SEMA5B: variants seen among roughly 807,000 people sequenced by gnomAD.
The protein encoded by SEMA5B is semaphorin-5B.
SEMA5B carries 66 observed loss-of-function variants against 135.0 expected under a neutral mutation model. The observed-to-expected ratio is 0.49, with a 90% CI of 0.40 to 0.60. The LOEUF is 0.60. Ranked by LOEUF, SEMA5B falls within the 20% of genes least tolerant of loss-of-function variation. The pLI, the probability that SEMA5B is intolerant of heterozygous loss-of-function variation, is 0.00. For missense variants in SEMA5B, 1,501 were observed against 1,566.3 expected (o/e 0.96, Z 0.70); for synonymous variants, 690 against 639.5 (o/e 1.08, Z -1.19).
intron 5 of SEMA5B, among the ~76,000 whole-genome samples, chr3:122,935,936 G>A (rs1399170628): frequency 2.6e-5 from 4 of 151,876 alleles, no homozygotes; most frequent in Non-Finnish European, 2.9e-5. Context: ...CAGGTGATCC[G>A]CCTGCCTTGG....
At chr3:122,987,703 A>T (rs1446789998) in intron 1 of SEMA5B, among the ~76,000 whole-genome samples, 4 of 152,140 alleles carry the variant, frequency 2.6e-5, no homozygotes, top group African/African-American at 9.7e-5. Flanking sequence ...ACTGGATTGC[A>T]CACATACCTC....
At chr3:122,925,921 G>T (rs1482122158) in intron 9 of SEMA5B, among the ~76,000 whole-genome samples, 2 of 152,144 alleles carry the variant, frequency 1.3e-5, no homozygotes, top group Admixed American at 1.3e-4. Context: ...GGAAGCAAAA[G>T]GGGCTGCCAT....
At chr3:122,920,475 G>T (rs1938293111) in intron 12 of SEMA5B, among the ~76,000 whole-genome samples, 1 of 152,180 alleles carries the variant, frequency 6.6e-6, no homozygotes, top group Non-Finnish European at 1.5e-5. Context: ...ACTCCAGAGG[G>T]CCTAGGAGGC....
At chr3:123,025,031 G>C (rs933372153) in intron 1 of SEMA5B, among the ~76,000 whole-genome samples, 1 of 152,164 alleles carries the variant, frequency 6.6e-6, no homozygotes, top group African/African-American at 2.4e-5. Context: ...GACCACTGTA[G>C]GGTCTTTCAA....
Position 122,911,492 on chromosome 3 carries a change from T to C in SEMA5B, c.3090A>G (p.Ala1030=). ...ASSMEEATDC[A]GFNLIHLVAT... Reference sequence around the variant, plus strand: ...TGAGGTAGGTCCGGTTTCTTTTACCTGCACAGTCGGTGGCCTCCTCCATGC... The same window carrying C: ...TGAGGTAGGTCCGGTTTCTTTTACCCGCACAGTCGGTGGCCTCCTCCATGC... Residue 1030 remains alanine, a splice_region_variant and synonymous_variant, in exon 21 of 23, where the codon GCA becomes GCG. Coordinates refer to ENST00000357599, the MANE Select transcript of SEMA5B (RefSeq NM_001031702.4). The C allele has an allele frequency of 1.2e-6, 2 of 1,607,474 alleles. No homozygotes were observed. Among genetic ancestry groups the C allele is most frequent in the Admixed American group, 1.7e-5 (1 of 59,080 alleles).
rs1338240388 is a variant in SEMA5B at position 122,921,921 on chromosome 3, C to T, written c.1682G>A (p.Ser561Asn). The T allele has an allele frequency of 2.6e-6, 4 of 1,532,718 alleles. No homozygotes were observed. The East Asian group carries it at 9.8e-5, about 38-fold the overall frequency. The allele number at this position is 1,532,718 out of a possible 1,614,324, so 94.9% of individuals were successfully genotyped here. ...VPLERCAAYR[S>N]QGACLGARDP... ...CCGCCCCGTCCCGGCTTACCCCTGG[C>T]TGCGGTAGGCGGCGCACCTCTCCAG... The change falls in exon 12 of 23, where the codon AGC (serine) becomes AAC (asparagine). Residue 561 changes from serine (S) to asparagine (N), a missense_variant. Transcript: ENST00000357599.
intron 4 of SEMA5B, among the ~76,000 whole-genome samples, chr3:122,940,541 T>A (rs1939510312): frequency 6.6e-6 from 1 of 152,252 alleles, no homozygotes; most frequent in African/African-American, 2.4e-5. Flanking sequence ...GTTCCTAAAC[T>A]TTTTAGGAAC....
chr3:122,920,467 T>C (rs1351420045), intron 12 of SEMA5B, among the ~76,000 whole-genome samples: 5 of 152,144 alleles, frequency 3.3e-5, no homozygotes, highest in Admixed American at 3.3e-4. Flanking sequence ...TCAATGAGAC[T>C]CCAGAGGGCC....
rs193147309 is a variant in SEMA5B at position 123,010,397 on chromosome 3, T to A, written c.-39+17067A>T. Among the ~76,000 whole-genome samples the A allele has an allele frequency of 4.1e-4, 63 of 152,322 alleles. 1 individual carries two copies. The East Asian group carries it at 6.9e-3, about 17-fold the overall frequency. ...TAGTAATTGTAAGAATTAAGTGAGATAATGTACAGAAGGCATTAAAACAGT... is the reference window on the plus strand; with the variant it reads ...TAGTAATTGTAAGAATTAAGTGAGAAAATGTACAGAAGGCATTAAAACAGT... On this transcript the variant is annotated intron_variant, in intron 1 of 22. Coordinates refer to ENST00000357599, the MANE Select transcript of SEMA5B (RefSeq NM_001031702.4).
Position 122,911,010 on chromosome 3 carries a change from A to T in SEMA5B, c.3127T>A (p.Ser1043Thr), listed in dbSNP as rs1937664132. 6.2e-7 allele frequency: 1 copy of T among 1,613,788 alleles called. No homozygotes were observed. Among genetic ancestry groups the T allele is most frequent in the Non-Finnish European group, 8.5e-7 (1 of 1,179,818 alleles). The change falls in exon 22 of 23, where the codon TCC becomes ACC. Residue 1043 changes from serine (S) to threonine (T), a missense_variant. Ser to Thr is a moderately conservative substitution (Grantham distance 58). Around this residue, in one of 2 missense-constraint regions of SEMA5B, gnomAD observed 927 missense variants for 881.6 expected, o/e 1.05. Coordinates refer to ENST00000357599, the MANE Select transcript of SEMA5B (RefSeq NM_001031702.4). ...AGGAGCCCAGAGCCCAAGAAGCAGG[A>T]GATGCCCGTGGCCACCAAGTGGATG... ...NLIHLVATGI[S>T]CFLGSGLLTL...
At chr3:122,937,904 T>G (rs1939371219) in intron 5 of SEMA5B, among the ~76,000 whole-genome samples, 1 of 152,158 alleles carries the variant, frequency 6.6e-6, no homozygotes, top group Non-Finnish European at 1.5e-5. Flanking sequence ...GTCCACTTCC[T>G]CCCGCCCACT....
At chr3:122,976,134 C>G in intron 1 of SEMA5B, 1 of 1,535,212 alleles carries the variant, frequency 6.5e-7, no homozygotes, top group Non-Finnish European at 8.7e-7. Flanking sequence ...GTGGTTTATA[C>G]ACTCTCATCA....
At chr3:122,956,469 C>A (rs554874559) in intron 2 of SEMA5B, among the ~76,000 whole-genome samples, 1 of 152,232 alleles carries the variant, frequency 6.6e-6, no homozygotes, top group African/African-American at 2.4e-5. Flanking sequence ...TGGCGAGTGA[C>A]AGTGAAGGAG....
intron 1 of SEMA5B, among the ~76,000 whole-genome samples, chr3:123,010,107 T>A (rs1434312006): frequency 1.3e-5 from 2 of 152,168 alleles, no homozygotes; most frequent in East Asian, 3.9e-4. Context: ...CGGAGGTGGC[T>A]GGCTCTGGAT....
At chr3:122,936,353 C>G (rs1331611584) in intron 5 of SEMA5B, among the ~76,000 whole-genome samples, 1 of 152,194 alleles carries the variant, frequency 6.6e-6, no homozygotes, top group Non-Finnish European at 1.5e-5. Flanking sequence ...AGCATTAAGT[C>G]CACTGCTCTG....
intron 2 of SEMA5B, among the ~76,000 whole-genome samples, chr3:122,949,060 C>T (rs1939931469): frequency 6.6e-6 from 1 of 152,018 alleles, no homozygotes; most frequent in Non-Finnish European, 1.5e-5. Context: ...AATCTGGATC[C>T]ATAACTCATA....
Position 122,915,976 on chromosome 3 carries a change from G to A in SEMA5B, c.1689-86C>T, listed in dbSNP as rs140883191. 8.6e-5 allele frequency: 81 copies of A among 936,756 alleles called. 1 individual carries two copies. In the African/African-American group the frequency reaches 1.2e-3, roughly 14 times the overall value. 58.0% of individuals were successfully genotyped at this position (936,756 alleles called of 1,614,324 possible). On this transcript the variant is annotated intron_variant, in intron 12 of 22. Transcript: ENST00000357599. ...GGAACACACGTGAACACTCCCCTCT[G>A]TGCACCACTTTCCATCCATTTGTCC...
intron 2 of SEMA5B, among the ~76,000 whole-genome samples, chr3:122,951,755 T>C (rs535845846): frequency 6.6e-6 from 1 of 152,334 alleles, no homozygotes; most frequent in East Asian, 1.9e-4. Context: ...TCCCAGGTGA[T>C]TCTGATGAGC....
chr3:122,921,999 T>C lies in SEMA5B; in HGVS notation c.1604A>G (p.His535Arg). Residue 535 changes from histidine (H) to arginine (R), a missense_variant, in exon 12 of 23, where the codon CAC becomes CGC. This residue lies in a region of SEMA5B where 927 missense variants were observed against 881.6 expected (regional missense o/e 1.05). Transcript: ENST00000357599. ...REPLRSLRIL[H>R]SARALFVGLR... ...CCCCACGAAGAGCGCGCGGGCGCTGTGCAGGATGCGCAGGCTGCGCAGGGG... is the reference window on the plus strand; with the variant it reads ...CCCCACGAAGAGCGCGCGGGCGCTGCGCAGGATGCGCAGGCTGCGCAGGGG... 6.5e-7 allele frequency: 1 copy of C among 1,532,538 alleles called. No individual in the cohort carries two copies. The highest frequency in any genetic ancestry group is 8.7e-7 in the Non-Finnish European group (1 of 1,142,908). The allele number at this position is 1,532,538 out of a possible 1,614,324, so 94.9% of individuals were successfully genotyped here.
Sources: allele counts gnomAD v4.1 joint callset (sites outside exome capture counted in the v4.1 genomes callset), GRCh38; gene constraint gnomAD v4.1.1; regional missense constraint gnomAD v4.1.1; transcripts MANE v1.5; gene names NCBI Gene and HGNC (gene_info 2026-07-23, HGNC 2026-07-21).